MAP4K4: variants seen among roughly 807,000 people sequenced by gnomAD.
The protein encoded by MAP4K4 is HPK/GCK-like kinase HGK.
A neutral mutation model predicts 189.6 loss-of-function variants in MAP4K4; 38 were observed. The ratio of observed to expected loss-of-function variants is 0.20; its 90% CI spans 0.15 to 0.26. The LOEUF is 0.26. MAP4K4 is among the 10% of genes least tolerant of loss of function. The pLI is 1.00. For synonymous variants in MAP4K4, 610 were observed against 624.3 expected (o/e 0.98, Z 0.34); for missense variants, 1,054 against 1,726.9 (o/e 0.61, Z 6.91).
At chr2:101,788,353 C>T (rs769926577) in intron 2 of MAP4K4, among the ~76,000 whole-genome samples, 2 of 152,180 alleles carry the variant, frequency 1.3e-5, no homozygotes, top group African/African-American at 2.4e-5. Flanking sequence ...TGCACTTTAT[C>T]TACCACCTGC....
At chr2:101,870,490 C>G in intron 23 of MAP4K4, 75 bp downstream of exon 23, 2 of 1,565,596 alleles carry the variant, frequency 1.3e-6, no homozygotes, top group East Asian at 2.3e-5. Context: ...TTCACTCACT[C>G]ATGCTGTTTC....
At chr2:101,871,549 G>A (rs753499639) in exon 24 of MAP4K4, 13 of 1,535,982 alleles carry the variant, frequency 8.5e-6, no homozygotes, top group African/African-American at 1.4e-5. Flanking sequence ...TTTGCCGGTC[G>A]CATTCACCTC....
intron 3 of MAP4K4, among the ~76,000 whole-genome samples, chr2:101,817,864 A>T (rs2095816787): frequency 6.6e-6 from 1 of 151,942 alleles, no homozygotes; most frequent in African/African-American, 2.4e-5. Flanking sequence ...TTTTTCCGTC[A>T]GTTTTTATTG....
chr2:101,783,819 C>T (rs993655861), intron 2 of MAP4K4, among the ~76,000 whole-genome samples: 2 of 152,180 alleles, frequency 1.3e-5, no homozygotes, highest in African/African-American at 4.8e-5. Context: ...ATGGAATCTT[C>T]TCTTTTGATT....
intron 2 of MAP4K4, among the ~76,000 whole-genome samples, chr2:101,753,045 A>G (rs1486844929): frequency 1.3e-5 from 2 of 152,220 alleles, no homozygotes; most frequent in Admixed American, 1.3e-4. Context: ...TGTGTGTTTT[A>G]TTCACTCCAG....
At chr2:101,807,748 G>A (rs2095090608) in intron 3 of MAP4K4, among the ~76,000 whole-genome samples, 1 of 152,044 alleles carries the variant, frequency 6.6e-6, no homozygotes. Context: ...AGAAGCAGGA[G>A]CAAGATAGAG....
At chr2:101,893,326 G>A in exon 33 of MAP4K4, 1 of 453,286 alleles carries the variant, frequency 2.2e-6, no homozygotes, top group South Asian at 1.6e-5. Flanking sequence ...ATTTGTATGA[G>A]TTTGGAGCAG....
At chr2:101,744,898 T>C (rs1290686767) in intron 2 of MAP4K4, among the ~76,000 whole-genome samples, 2 of 152,214 alleles carry the variant, frequency 1.3e-5, no homozygotes, top group African/African-American at 4.8e-5. Context: ...AGCAACTCTT[T>C]AAGCACCAGG....
chr2:101,755,929 C>CT (rs57392183), intron 2 of MAP4K4, among the ~76,000 whole-genome samples: 1,421 of 57,854 alleles, frequency 0.025, 211 homozygotes, highest in Non-Finnish European at 0.033. Flanking sequence ...AGTTCTTTTT[C>CT]TTTTTTTTTT....
At position 101,811,650 on chromosome 2, in the gene MAP4K4, C is replaced by T. The variant is rs1382189555; in HGVS notation, c.181-12278C>T. Among the ~76,000 whole-genome samples, 4 of 152,070 alleles carry T rather than the reference C, an allele frequency of 2.6e-5. No individual in the cohort carries two copies. The East Asian group carries it at 5.8e-4, about 22-fold the overall frequency. ...CGAGCCATCTCTCTCCCTGTCCTGC[C>T]CCTGCTTGCTCTTGCCGGTGCCCCA... On this transcript the variant is annotated intron_variant, in intron 3 of 32. Transcript: ENST00000324219.
chr2:101,795,793 T>G (rs546490487), intron 3 of MAP4K4, among the ~76,000 whole-genome samples: 5 of 152,222 alleles, frequency 3.3e-5, no homozygotes, highest in Non-Finnish European at 7.3e-5. Flanking sequence ...TTGTGTCTTG[T>G]ATATCTTATG....
chr2:101,799,540 C>CTTTG (rs1186315633), intron 3 of MAP4K4, among the ~76,000 whole-genome samples: 2 of 151,722 alleles, frequency 1.3e-5, no homozygotes, highest in Admixed American at 1.3e-4. Flanking sequence ...TGATAACTAC[C>CTTTG]TTTGCCCTGT....
chr2:101,709,473 G>A (rs751056226), intron 2 of MAP4K4, among the ~76,000 whole-genome samples: 1 of 152,228 alleles, frequency 6.6e-6, no homozygotes, highest in South Asian at 2.1e-4. Flanking sequence ...AAAGTGCTGG[G>A]ATTACAGGCG....
intron 2 of MAP4K4, among the ~76,000 whole-genome samples, chr2:101,781,311 G>C (rs188246229): frequency 8.5e-4 from 129 of 152,136 alleles, no homozygotes; most frequent in Non-Finnish European, 1.4e-3. Context: ...AAACTCTTCT[G>C]CCCGTTTTCC....
intron 2 of MAP4K4, among the ~76,000 whole-genome samples, chr2:101,770,322 C>T (rs780461842): frequency 6.9e-6 from 1 of 144,410 alleles, no homozygotes; most frequent in Non-Finnish European, 1.5e-5. Context: ...GATCTTGGCT[C>T]ACTGCAGTCT....
intron 3 of MAP4K4, among the ~76,000 whole-genome samples, chr2:101,817,930 C>T (rs1194731611): frequency 1.3e-5 from 2 of 151,998 alleles, no homozygotes; most frequent in African/African-American, 4.8e-5. Context: ...TAATTTCTTC[C>T]TTTTGATCAG....
At chr2:101,707,757 C>A (rs1394616801) in intron 2 of MAP4K4, among the ~76,000 whole-genome samples, 1 of 146,738 alleles carries the variant, frequency 6.8e-6, no homozygotes, top group Non-Finnish European at 1.5e-5. Flanking sequence ...GTGGTGCAAT[C>A]TCGGCTCACT....
chr2:101,871,798 CT>C (rs2098034081), intron 24 of MAP4K4, 113 bp downstream of exon 24: 4 of 943,644 alleles, frequency 4.2e-6, no homozygotes, highest in Non-Finnish European at 6.2e-6. Context: ...TCCCACCCTG[CT>C]TTCTCTGTCA....
intron 28 of MAP4K4, among the ~76,000 whole-genome samples, chr2:101,884,619 G>A (rs2098455512): frequency 6.6e-6 from 1 of 152,172 alleles, no homozygotes; most frequent in South Asian, 2.1e-4. Context: ...CTGGCAGTAA[G>A]GGCACCAAAA....
Sources: gnomAD v4.1 joint callset for allele counts (sites outside exome capture counted in the v4.1 genomes callset) on GRCh38, gnomAD v4.1.1 for gene constraint, MANE v1.5 for transcripts, NCBI Gene and HGNC (gene_info 2026-07-23, HGNC 2026-07-21) for gene names.